C2orf49: variants seen among roughly 807,000 people sequenced by gnomAD.
C2orf49 encodes tRNA splicing ligase complex subunit 2.
Under a neutral mutation model 20.6 loss-of-function variants are expected in C2orf49, and 11 were observed. The observed-to-expected ratio is 0.53, with a 90% CI of 0.34 to 0.88. The LOEUF (loss-of-function observed/expected upper bound fraction) is 0.88, where lower values mean the gene tolerates loss of function less well. Ranked by LOEUF, C2orf49 falls within the 40% of genes least tolerant of loss-of-function variation. The pLI is 0.02. For synonymous variants in C2orf49, 134 were observed against 108.5 expected, an observed-to-expected ratio of 1.24 and a Z score of -1.46; for missense variants, 289 against 274.2, an observed-to-expected ratio of 1.05 and a Z score of -0.38.
chr2:105,356,054 T>A, the C2orf49 span, among the ~76,000 whole-genome samples: 1 of 152,102 alleles, frequency 6.6e-6, no homozygotes, highest in South Asian at 2.1e-4. Context: ...GAGACCAGCC[T>A]AGGCAACATA....
chr2:105,379,637 G>GT, the C2orf49 span, among the ~76,000 whole-genome samples: 3 of 152,172 alleles, frequency 2.0e-5, no homozygotes, highest in Admixed American at 1.3e-4. Context: ...CTGTGCTCCT[G>GT]TTTTTTACCT....
rs1222286261 is a variant in C2orf49 at position 105,342,949 on chromosome 2, A to G, written c.368A>G (p.Asn123Ser). 6.2e-7 allele frequency: 1 copy of G among 1,614,248 alleles called. No homozygotes were observed. Among genetic ancestry groups the G allele is most frequent in the Admixed American group, 1.7e-5 (1 of 60,030 alleles). ...GTGAAAAAGACAGAGAATGGAGATA[A>G]TGATCGACTGAAGCCTCCCCCGCAG... ...IKVKKTENGD[N>S]DRLKPPPQAS... Residue 123 changes from asparagine to serine, a missense_variant, in exon 3 of 4, where the codon AAT (asparagine) becomes AGT (serine). Transcript: ENST00000258457.
intron 2 of C2orf49, 111 bp downstream of exon 2, chr2:105,339,860 C>G: frequency 2.1e-6 from 2 of 939,828 alleles, no homozygotes; most frequent in East Asian, 2.8e-5. Flanking sequence ...TACTCAATGA[C>G]TATCTATTGA....
At chr2:105,372,553 A>G in the C2orf49 span, among the ~76,000 whole-genome samples, 3 of 152,068 alleles carry the variant, frequency 2.0e-5, no homozygotes, top group African/African-American at 7.2e-5. Context: ...ACTATTTCCC[A>G]TATGTCAGTC....
chr2:105,368,865 G>A, the C2orf49 span, among the ~76,000 whole-genome samples: 1 of 152,218 alleles, frequency 6.6e-6, no homozygotes, highest in Non-Finnish European at 1.5e-5. Context: ...GTAAGTGCCC[G>A]GACTAGCTGA....
At chr2:105,384,135 C>T in the C2orf49 span, among the ~76,000 whole-genome samples, 1 of 152,176 alleles carries the variant, frequency 6.6e-6, no homozygotes, top group Admixed American at 6.5e-5. Flanking sequence ...TGATTAGCCC[C>T]AAATATCCAA....
the C2orf49 span, among the ~76,000 whole-genome samples, chr2:105,382,636 A>G: frequency 2.0e-5 from 3 of 152,250 alleles, no homozygotes; most frequent in African/African-American, 7.2e-5. Flanking sequence ...GACTACCACT[A>G]GAAACTAAAC....
the C2orf49 span, among the ~76,000 whole-genome samples, chr2:105,369,881 G>A: frequency 6.6e-6 from 1 of 152,308 alleles, no homozygotes; most frequent in Admixed American, 6.5e-5. Flanking sequence ...GGAATGCACA[G>A]GGCACCTGGA....
intron 2 of C2orf49, among the ~76,000 whole-genome samples, chr2:105,341,445 G>A (rs1294179702): frequency 6.6e-6 from 1 of 152,236 alleles, no homozygotes; most frequent in Non-Finnish European, 1.5e-5. Flanking sequence ...GAGATCCTGA[G>A]AAGTGCTGTA....
intron 2 of C2orf49, among the ~76,000 whole-genome samples, chr2:105,340,646 A>G (rs928971647): frequency 6.6e-6 from 1 of 152,198 alleles, no homozygotes; most frequent in Non-Finnish European, 1.5e-5. Flanking sequence ...TTTAATTTCA[A>G]AAACAGTTTT....
At chr2:105,367,206 C>G in the C2orf49 span, among the ~76,000 whole-genome samples, 4 of 152,352 alleles carry the variant, frequency 2.6e-5, no homozygotes, top group East Asian at 7.7e-4. Context: ...TTCTCTCCCT[C>G]TCAAGTTTGC....
the C2orf49 span, among the ~76,000 whole-genome samples, chr2:105,356,017 G>A: frequency 1.3e-5 from 2 of 152,148 alleles, no homozygotes; most frequent in African/African-American, 2.4e-5. Context: ...TGCCAAGATG[G>A]GGGGAATCGC....
the C2orf49 span, chr2:105,367,486 G>T: frequency 7.2e-7 from 1 of 1,381,318 alleles, no homozygotes; most frequent in Non-Finnish European, 9.9e-7. Context: ...AGGTATCCTT[G>T]GTTTTGGAAA....
At chr2:105,361,508 G>A in the C2orf49 span, 1 of 1,388,158 alleles carries the variant, frequency 7.2e-7, no homozygotes, top group Non-Finnish European at 1.0e-6. Context: ...AAGGAATTCT[G>A]GTTTGATCCA....
the C2orf49 span, among the ~76,000 whole-genome samples, chr2:105,381,802 A>T: frequency 6.6e-6 from 1 of 152,202 alleles, no homozygotes; most frequent in African/African-American, 2.4e-5. Flanking sequence ...TTGAGAACTT[A>T]AAAACCACCC....
the C2orf49 span, chr2:105,361,429 CA>C: frequency 1.9e-6 from 3 of 1,613,390 alleles, no homozygotes; most frequent in Non-Finnish European, 2.5e-6. Context: ...TTTGTGCCAC[CA>C]AGTCCTGTTA....
At chr2:105,378,102 G>C in the C2orf49 span, 1 of 459,780 alleles carries the variant, frequency 2.2e-6, no homozygotes, top group Admixed American at 2.4e-5. Context: ...ATGGAGGAAA[G>C]AGCACATCAG....
chr2:105,372,675 G>T, the C2orf49 span, among the ~76,000 whole-genome samples: 1 of 152,042 alleles, frequency 6.6e-6, no homozygotes, highest in Non-Finnish European at 1.5e-5. Context: ...TGTAGTCTCA[G>T]CTACTTAGGA....
chr2:105,373,793 C>A, the C2orf49 span: 2 of 1,573,772 alleles, frequency 1.3e-6, no homozygotes, highest in Non-Finnish European at 1.7e-6. Context: ...GGACCCACAG[C>A]ATAGGGGCCC....
Sources: allele counts gnomAD v4.1 joint callset (sites outside exome capture counted in the v4.1 genomes callset), GRCh38; gene constraint gnomAD v4.1.1; transcripts MANE v1.5; gene names NCBI Gene and HGNC (gene_info 2026-07-23, HGNC 2026-07-21).